The following MYRFL variants were observed in gnomAD, a reference collection of about 807,000 sequenced individuals.
MYRFL encodes myelin regulatory factor-like protein.
MYRFL carries 88 observed loss-of-function variants against 109.4 expected under a neutral mutation model. That is an observed-to-expected ratio of 0.80 (90% CI 0.68 to 0.96). The LOEUF (loss-of-function observed/expected upper bound fraction) is 0.96. MYRFL is among the 40% of genes least tolerant of loss of function. MYRFL has a pLI of 0.00. For missense variants in MYRFL, 957 were observed against 954.9 expected (o/e 1.00, Z -0.03); for synonymous variants, 324 against 320.9 (o/e 1.01, Z -0.10).
intron 22 of MYRFL, among the ~76,000 whole-genome samples, chr12:69,957,173 G>T (rs1351940460): frequency 2.0e-5 from 3 of 152,122 alleles, no homozygotes; most frequent in East Asian, 1.9e-4. Flanking sequence ...GTACTTTCTG[G>T]CAGACTTTCA....
rs1186330265 is a variant in MYRFL, at chr12:69,959,019, A to ATG, written c.*498_*499dup. ...AGCTCACATTTAGGCAAATTGTCCT[A>ATG]TGTGTGTGTGTATTGTATAAACACA... is the stretch of plus-strand genomic sequence containing the variant. On this transcript the variant is annotated 3_prime_UTR_variant, in exon 25 of 25. Coordinates refer to ENST00000552032, the MANE Select transcript of MYRFL (RefSeq NM_182530.3). The ATG allele has an allele frequency of 1.3e-5, 2 of 159,964 alleles. No individual in the cohort carries two copies. The highest frequency in any genetic ancestry group is 1.8e-4 in the South Asian group (1 of 5,506). The allele number at this position is 159,964 out of a possible 1,614,324, so 9.9% of individuals were successfully genotyped here. A position where few individuals can be genotyped will look rare whatever the true frequency, so the allele number is the denominator to read the frequency against.
At chr12:69,888,308 T>C (rs1886580587) in intron 6 of MYRFL, among the ~76,000 whole-genome samples, 2 of 152,200 alleles carry the variant, frequency 1.3e-5, no homozygotes, top group African/African-American at 4.8e-5. Flanking sequence ...CAGTTTAGAA[T>C]TCAGGCCCTC....
intron 15 of MYRFL, among the ~76,000 whole-genome samples, chr12:69,931,006 A>C (rs1955255807): frequency 6.6e-6 from 1 of 152,148 alleles, no homozygotes; most frequent in Admixed American, 6.5e-5. Context: ...TGTTCATTGG[A>C]TATGCCTAAT....
rs369370125 is a variant in MYRFL at position 69,859,266 on chromosome 12, G to A, written c.137+3896G>A. Among the ~76,000 whole-genome samples the A allele has an allele frequency of 2.0e-4, 31 of 152,206 alleles. No individual in the cohort carries two copies. In the South Asian group the frequency reaches 5.6e-3, roughly 28 times the overall value. ...AGGTTTGCTTTATGACCCAGAATAT[G>A]ATCTATCTTGGTGAATGTTACGTAT... On this transcript the variant is annotated intron_variant, in intron 2 of 24. Coordinates refer to ENST00000552032, the MANE Select transcript of MYRFL (RefSeq NM_182530.3).
chr12:69,952,968 A>G, intron 21 of MYRFL, 82 bp downstream of exon 21: 2 of 829,820 alleles, frequency 2.4e-6, no homozygotes, highest in Non-Finnish European at 3.7e-6. Context: ...AGTGGAAGCT[A>G]AAGCTACATG....
At chr12:69,903,535 T>C (rs557790171) in intron 10 of MYRFL, 109 bp from the exon 11 acceptor site, 231 of 1,193,450 alleles carry the variant, frequency 1.9e-4, no homozygotes, top group Admixed American at 3.9e-4. Context: ...CAGGATTCTC[T>C]TATGAAAGAC....
intron 1 of MYRFL, among the ~76,000 whole-genome samples, chr12:69,837,781 G>C (rs1186140020): frequency 2.6e-5 from 4 of 152,144 alleles, no homozygotes; most frequent in Non-Finnish European, 5.9e-5. Context: ...TGGCTTTGGC[G>C]TCATTCCCTC....
chr12:69,911,114 C>T (rs967774616), intron 13 of MYRFL, among the ~76,000 whole-genome samples, 184 bp downstream of exon 13: 2 of 152,012 alleles, frequency 1.3e-5, no homozygotes, highest in African/African-American at 4.8e-5. Flanking sequence ...ATCATAAGCA[C>T]CAAAAAGAAG....
In MYRFL at chr12:69,958,721, T is replaced by C. The variant is rs1956151413; in HGVS notation, c.*190T>C. ...AGGAGAATAAAATGTTTGCTGAAAC[T>C]TGAAATAATGTGATGTTTGATTTTG... On this transcript the variant is annotated 3_prime_UTR_variant, in exon 25 of 25. Transcript: ENST00000552032. 2 of 529,528 alleles carry C rather than the reference T, an allele frequency of 3.8e-6. No homozygotes were observed. The highest frequency in any genetic ancestry group is 6.6e-6 in the Non-Finnish European group (2 of 303,528). 32.8% of individuals were successfully genotyped at this position (529,528 alleles called of 1,614,324 possible). A position where few individuals can be genotyped will look rare whatever the true frequency, so the allele number is the denominator to read the frequency against.
In MYRFL at chr12:69,952,786, C is replaced by A. The variant is rs1956011299; in HGVS notation, c.2288-13C>A. On this transcript the variant is annotated splice_polypyrimidine_tract_variant and intron_variant, in intron 20 of 24. Coordinates refer to ENST00000552032, the MANE Select transcript of MYRFL (RefSeq NM_182530.3). ...AAGAGTTTATTTACTTTGTCTATTT[C>A]TTCTCAATTCAGGGATTGATACAAC... 1.3e-6 allele frequency: 2 copies of A among 1,493,258 alleles called. No homozygotes were observed. The highest frequency in any genetic ancestry group is 1.4e-5 in the African/African-American group (1 of 71,606). The allele number at this position is 1,493,258 out of a possible 1,614,324, so 92.5% of individuals were successfully genotyped here.
chr12:69,884,963 T>C (rs1019731204), intron 5 of MYRFL, among the ~76,000 whole-genome samples: 1 of 152,202 alleles, frequency 6.6e-6, no homozygotes, highest in Admixed American at 6.5e-5. Flanking sequence ...GAGTTGTGAT[T>C]CAAACCCAGA....
intron 13 of MYRFL, among the ~76,000 whole-genome samples, chr12:69,912,403 T>G (rs1388873108): frequency 6.6e-6 from 1 of 152,226 alleles, no homozygotes; most frequent in African/African-American, 2.4e-5. Context: ...ATCACCACCA[T>G]CCATCTCCAG....
intron 13 of MYRFL, among the ~76,000 whole-genome samples, chr12:69,918,210 A>G (rs1259146465): frequency 6.6e-6 from 1 of 152,212 alleles, no homozygotes; most frequent in Admixed American, 6.5e-5. Context: ...TGGCCCCTCC[A>G]ATGAGGCTTC....
chr12:69,860,737 TTTTTA>T (rs1203389932), intron 2 of MYRFL, among the ~76,000 whole-genome samples: 1 of 152,066 alleles, frequency 6.6e-6, no homozygotes, highest in Non-Finnish European at 1.5e-5. Context: ...TTATTTTCTT[TTTTTA>T]TTTTATTATT....
At chr12:69,833,416 C>T (rs529765893) in intron 1 of MYRFL, among the ~76,000 whole-genome samples, 15 of 152,246 alleles carry the variant, frequency 9.9e-5, no homozygotes, top group African/African-American at 3.4e-4. Flanking sequence ...AAAAGGATTT[C>T]GTGCAGTGGG....
At chr12:69,851,519 C>T (rs1417598756) in intron 1 of MYRFL, among the ~76,000 whole-genome samples, 1 of 152,080 alleles carries the variant, frequency 6.6e-6, no homozygotes, top group Non-Finnish European at 1.5e-5. Flanking sequence ...AGTATCTCCC[C>T]ACAAATTATA....
chr12:69,852,131 G>A (rs1395183123), intron 1 of MYRFL, among the ~76,000 whole-genome samples: 1 of 152,186 alleles, frequency 6.6e-6, no homozygotes, highest in Non-Finnish European at 1.5e-5. Context: ...TGCCTGTAGA[G>A]GTTATGTATT....
At chr12:69,950,914 C>T (rs1179547650) in intron 19 of MYRFL, among the ~76,000 whole-genome samples, 2 of 152,114 alleles carry the variant, frequency 1.3e-5, no homozygotes, top group African/African-American at 2.4e-5. Flanking sequence ...ATTAGCTTGT[C>T]ATTAATCAAA....
intron 24 of MYRFL, 52 bp from the exon 25 acceptor site, chr12:69,958,393 A>G: frequency 1.3e-6 from 2 of 1,508,064 alleles, no homozygotes; most frequent in Non-Finnish European, 1.8e-6. Flanking sequence ...CACTTTAACC[A>G]CAGTTAATTT....
Sources: gnomAD v4.1 joint callset for allele counts (sites outside exome capture counted in the v4.1 genomes callset) on GRCh38, gnomAD v4.1.1 for gene constraint, MANE v1.5 for transcripts, NCBI Gene and HGNC (gene_info 2026-07-23, HGNC 2026-07-21) for gene names.